CLHC1: variants seen among roughly 807,000 people sequenced by gnomAD.
CLHC1 encodes the protein clathrin heavy chain linker domain containing 1.
CLHC1 carries 72 observed loss-of-function variants against 69.5 expected under a neutral mutation model. The ratio of observed to expected loss-of-function variants is 1.04; its 90% confidence interval spans 0.86 to 1.26. The LOEUF is 1.26. CLHC1 is among the 50% of genes most tolerant of loss of function. The pLI, the probability that CLHC1 is intolerant of heterozygous loss-of-function variation, is 0.00. For missense variants in CLHC1, 790 were observed against 679.3 expected (o/e 1.16, Z -1.81); for synonymous variants, 223 against 224.3 (o/e 0.99, Z 0.05).
intron 9 of CLHC1, among the ~76,000 whole-genome samples, chr2:55,204,199 A>C (rs1672224226): frequency 6.6e-6 from 1 of 152,140 alleles, no homozygotes; most frequent in Non-Finnish European, 1.5e-5. Context: ...TAGGAGAATC[A>C]CTTGGACCTG....
intron 9 of CLHC1, among the ~76,000 whole-genome samples, chr2:55,204,305 T>G (rs1319793001): frequency 1.3e-5 from 2 of 151,926 alleles, no homozygotes; most frequent in African/African-American, 4.8e-5. Context: ...GGCAAAAGAT[T>G]TGAATAGACA....
At chr2:55,221,694 G>T (rs1275880827) in intron 3 of CLHC1, among the ~76,000 whole-genome samples, 1 of 152,198 alleles carries the variant, frequency 6.6e-6, no homozygotes, top group South Asian at 2.1e-4. Flanking sequence ...CTGATAGTCT[G>T]GGCTAGGCAC....
chr2:55,185,091 G>A (rs1165446176), intron 9 of CLHC1, among the ~76,000 whole-genome samples: 1 of 151,800 alleles, frequency 6.6e-6, no homozygotes, highest in Admixed American at 6.6e-5. Context: ...AATGGTAAAG[G>A]GATTTCATAA....
intron 9 of CLHC1, among the ~76,000 whole-genome samples, chr2:55,191,808 A>G (rs1252376865): frequency 1.3e-5 from 2 of 152,060 alleles, no homozygotes; most frequent in East Asian, 3.9e-4. Flanking sequence ...TCAAAAAAAA[A>G]GAAGAGATAA....
In CLHC1 at chr2:55,172,719, C is replaced by T. The variant is rs528660157; in HGVS notation, c.*3071G>A. Among the ~76,000 whole-genome samples, 12 of 148,968 alleles carry T rather than the reference C, an allele frequency of 8.1e-5. No individual in the cohort carries two copies. The South Asian group carries it at 8.4e-4, about 10-fold the overall frequency. On this transcript the variant is annotated 3_prime_UTR_variant, in exon 13 of 13. Coordinates refer to ENST00000401408, the MANE Select transcript of CLHC1 (RefSeq NM_152385.4). ...ACAAAGTTAAAAAAAAAAAAAAAGG[C>T]CTCTGCTATGATTTTTGACTTAACA...
chr2:55,175,426 T>C lies in CLHC1; in HGVS notation c.*364A>G, dbSNP rs941660522. ...TAGCATTTCATGTTTGGGAAGACAG[T>C]CTAACACACAGGATACTACCCACAC... On this transcript the variant is annotated 3_prime_UTR_variant, in exon 13 of 13. Transcript: ENST00000401408. The C allele has an allele frequency of 5.7e-6, 1 of 175,440 alleles. No homozygotes were observed. The highest frequency in any genetic ancestry group is 2.4e-5 in the African/African-American group (1 of 42,308). 10.9% of individuals were successfully genotyped at this position (175,440 alleles called of 1,614,324 possible). A position where few individuals can be genotyped will look rare whatever the true frequency, so the allele number is the denominator to read the frequency against.
At chr2:55,198,252 G>T (rs909097013) in intron 9 of CLHC1, among the ~76,000 whole-genome samples, 14 of 152,194 alleles carry the variant, frequency 9.2e-5, no homozygotes, top group Admixed American at 4.6e-4. Flanking sequence ...TCTTAAAGAG[G>T]AGGTAGAAAG....
intron 1 of CLHC1, 73 bp from the exon 2 acceptor site, chr2:55,228,277 A>G (rs1261960140): frequency 6.6e-6 from 1 of 152,254 alleles, no homozygotes; most frequent in African/African-American, 2.4e-5. Flanking sequence ...TATGCATTCA[A>G]GTGCATAATG....
Position 55,206,298 on chromosome 2 carries a change from T to C in CLHC1, c.978A>G (p.Arg326=). Residue 326 remains arginine (R), a synonymous_variant, in exon 9 of 13, where the codon CGA becomes CGG. Coordinates refer to ENST00000401408, the MANE Select transcript of CLHC1 (RefSeq NM_152385.4). The stretch of plus-strand genomic sequence containing the variant: ...TAAATGTATTCATTGTACCAATGTT[T>C]CGAAGAATTCTTCTAGGACTGTTTG... ...YAANSPRRIL[R]NIGTMNTFKA... is the part of the protein sequence containing the mutation. The C allele has an allele frequency of 3.1e-6, 5 of 1,607,064 alleles. No homozygotes were observed. The highest frequency in any genetic ancestry group is 4.3e-6 in the Non-Finnish European group (5 of 1,173,998).
chr2:55,222,570 T>A lies in CLHC1; in HGVS notation c.-82-77A>T, dbSNP rs528448172. On this transcript the variant is annotated intron_variant, in intron 2 of 12. Transcript: ENST00000401408. Reference sequence around the variant, plus strand: ...AAATATTGATCTAAAAATGTATTTTTTTTAGAAAAAAATTTCCTATCTGTC... The same window carrying A: ...AAATATTGATCTAAAAATGTATTTTATTTAGAAAAAAATTTCCTATCTGTC... 1.8e-5 allele frequency: 10 copies of A among 565,550 alleles called. No homozygotes were observed. The East Asian group carries it at 3.2e-4, about 18-fold the overall frequency. The allele number at this position is 565,550 out of a possible 1,614,324, so 35.0% of individuals were successfully genotyped here.
In CLHC1 at chr2:55,209,421, T is replaced by C. The variant is rs1467033176; in HGVS notation, c.797A>G (p.Lys266Arg). 1 of 1,600,222 alleles carries C rather than the reference T, an allele frequency of 6.2e-7. No homozygotes were observed. The highest frequency in any genetic ancestry group is 8.5e-7 in the Non-Finnish European group (1 of 1,173,770). ...TAATCTACCTTGTAAATATTTGGTT[T>C]TCTGAATTTGCTCCACAAAGTCTTG... The part of the protein sequence containing the change: ...PFQDFVEQIQ[K>R]TKYLQGDQGI... The change falls in exon 7 of 13, where the codon AAA becomes AGA. Residue 266 changes from lysine (K) to arginine (R), a missense_variant. Lys to Arg is a conservative substitution (Grantham distance 26, BLOSUM62 2). Transcript: ENST00000401408.
intron 9 of CLHC1, among the ~76,000 whole-genome samples, chr2:55,195,063 T>C (rs1167477551): frequency 6.6e-6 from 1 of 152,164 alleles, no homozygotes; most frequent in Non-Finnish European, 1.5e-5. Flanking sequence ...ACTACAGGTA[T>C]GTGCCACCAT....
At chr2:55,214,701 G>A (rs1202009647) in intron 4 of CLHC1, 1 of 152,108 alleles carries the variant, frequency 6.6e-6, no homozygotes, top group Non-Finnish European at 1.5e-5. Context: ...CAAAAGATAT[G>A]TCAAAAATAA....
At chr2:55,223,931 G>C (rs1361743850) in intron 2 of CLHC1, 1 of 152,696 alleles carries the variant, frequency 6.5e-6, no homozygotes, top group Non-Finnish European at 1.5e-5. Context: ...GAGTAGCTGG[G>C]ACTACAGGCG....
At chr2:55,206,902 C>G (rs984992998) in intron 8 of CLHC1, 2 of 151,608 alleles carry the variant, frequency 1.3e-5, no homozygotes, top group Non-Finnish European at 2.9e-5. Flanking sequence ...GTCAGGAGAT[C>G]GAGACCATCC....
rs375463868 is a variant in CLHC1, at chr2:55,211,041, A to G, written c.500-1210T>C. Reference sequence around the variant, plus strand: ...CTGGGCCAATTGTTGACTTTAGTACATATCACAAAATACTCCTCCCCCAGA... The same window carrying G: ...CTGGGCCAATTGTTGACTTTAGTACGTATCACAAAATACTCCTCCCCCAGA... On this transcript the variant is annotated intron_variant, in intron 5 of 12. Coordinates refer to ENST00000401408, the MANE Select transcript of CLHC1 (RefSeq NM_152385.4). 5.9e-5 allele frequency among the ~76,000 whole-genome samples: 9 copies of G among 152,126 alleles called. 1 individual carries two copies. Among genetic ancestry groups the G allele is most frequent in the Admixed American group, 2.0e-4 (3 of 15,264 alleles).
intron 5 of CLHC1, among the ~76,000 whole-genome samples, chr2:55,211,866 G>A (rs565524257): frequency 1.3e-5 from 2 of 152,300 alleles, no homozygotes; most frequent in East Asian, 3.9e-4. Flanking sequence ...TTATGCTGAA[G>A]ATGTGGAAGC....
intron 3 of CLHC1, among the ~76,000 whole-genome samples, chr2:55,219,336 A>G (rs1255432037): frequency 1.3e-5 from 2 of 152,354 alleles, no homozygotes; most frequent in East Asian, 3.9e-4. Flanking sequence ...GAATGCACAG[A>G]AAATACACTA....
chr2:55,181,400 A>C (rs749204460), intron 10 of CLHC1, among the ~76,000 whole-genome samples, 170 bp downstream of exon 10: 10 of 152,214 alleles, frequency 6.6e-5, no homozygotes, highest in Non-Finnish European at 8.8e-5. Flanking sequence ...AAGTGTTGGG[A>C]TTAGAGGCAT....
Sources: gnomAD v4.1 joint callset for allele counts (sites outside exome capture counted in the v4.1 genomes callset) on GRCh38, gnomAD v4.1.1 for gene constraint, MANE v1.5 for transcripts, NCBI Gene and HGNC (gene_info 2026-07-23, HGNC 2026-07-21) for gene names.